Variants in CCDC7 observed in about 807,000 individuals in gnomAD.
CCDC7 encodes the protein coiled-coil domain containing 7.
A neutral mutation model predicts 196.9 loss-of-function variants in CCDC7; 183 were observed. That is an observed-to-expected ratio of 0.93 (90% CI 0.82 to 1.05). The LOEUF (loss-of-function observed/expected upper bound fraction) is 1.05, where lower values mean the gene tolerates loss of function less well. CCDC7 is among the 50% of genes least tolerant of loss of function. The pLI is 0.00. For synonymous variants in CCDC7, 525 were observed against 484.6 expected (o/e 1.08, Z -1.10); for missense variants, 1,540 against 1,482.2 (o/e 1.04, Z -0.64).
At chr10:32,511,777 GA>G in intron 9 of CCDC7, 1 of 1,444,394 alleles carries the variant, frequency 6.9e-7, no homozygotes, top group Non-Finnish European at 9.7e-7. Flanking sequence ...CAGCCTCCCG[GA>G]AAGCGGTCGG....
chr10:32,853,778 T>C (rs770993856), intron 40 of CCDC7, among the ~76,000 whole-genome samples: 2 of 152,226 alleles, frequency 1.3e-5, no homozygotes, highest in Non-Finnish European at 2.9e-5. Context: ...GAAAACTTTA[T>C]CTAAAAATTT....
At chr10:32,616,069 G>A (rs563869407) in intron 18 of CCDC7, among the ~76,000 whole-genome samples, 3 of 152,158 alleles carry the variant, frequency 2.0e-5, no homozygotes, top group Admixed American at 1.3e-4. Context: ...TAGCCTTGTA[G>A]TATAATTTGA....
intron 41 of CCDC7, among the ~76,000 whole-genome samples, chr10:32,855,744 C>T (rs1316325518): frequency 6.6e-6 from 1 of 152,156 alleles, no homozygotes; most frequent in Non-Finnish European, 1.5e-5. Context: ...GAGTTGGAGA[C>T]CCTGCCCCTA....
intron 14 of CCDC7, among the ~76,000 whole-genome samples, chr10:32,567,360 A>G (rs748749746): frequency 1.3e-5 from 2 of 151,876 alleles, no homozygotes; most frequent in Admixed American, 1.3e-4. Context: ...CAATTTTTAT[A>G]ATGTATACCT....
In CCDC7 at chr10:32,755,745, C is replaced by T. The variant is rs11009066; in HGVS notation, c.2906-23232C>T. ...TCGCAAGCAGCAGAACAAAGCTGGA[C>T]GGAGAATGACTTTGACGAGTTGAGA... On this transcript the variant is annotated intron_variant, in intron 28 of 41. Coordinates refer to ENST00000639629, the Ensembl canonical transcript of CCDC7. Among the ~76,000 whole-genome samples the T allele has an allele frequency of 1.9e-3, 287 of 152,118 alleles. 6 individuals are homozygous for T. The East Asian group carries it at 0.038, about 20-fold the overall frequency.
At chr10:32,497,182 G>A (rs2043048143) in intron 9 of CCDC7, among the ~76,000 whole-genome samples, 2 of 152,144 alleles carry the variant, frequency 1.3e-5, no homozygotes, top group Admixed American at 6.5e-5. Context: ...TTTGTGTAGA[G>A]GTGTTTATAG....
intron 21 of CCDC7, among the ~76,000 whole-genome samples, chr10:32,673,668 T>TGTGTGTGTG (rs1403140600): frequency 6.6e-6 from 1 of 151,154 alleles, no homozygotes; most frequent in Non-Finnish European, 1.5e-5. Flanking sequence ...TGTGTGTGTG[T>TGTGTGTGTG]GTGTGTGTGT....
chr10:32,606,046 G>A (rs1294483333), intron 18 of CCDC7, among the ~76,000 whole-genome samples: 3 of 152,202 alleles, frequency 2.0e-5, no homozygotes, highest in Non-Finnish European at 2.9e-5. Context: ...CCAGGCTCAC[G>A]GCCCTGCTGC....
chr10:32,847,182 C>A (rs114914093), intron 37 of CCDC7, among the ~76,000 whole-genome samples: 215 of 152,202 alleles, frequency 1.4e-3, no homozygotes, highest in African/African-American at 5.0e-3. Context: ...GACTTTAGTA[C>A]AATAGCCCAG....
chr10:32,854,290 A>C, intron 40 of CCDC7, 110 bp from the exon 42 acceptor site: 1 of 662,426 alleles, frequency 1.5e-6, no homozygotes, highest in Non-Finnish European at 2.5e-6. Flanking sequence ...TACTGAAAAA[A>C]AGTTGTAAGG....
intron 16 of CCDC7, among the ~76,000 whole-genome samples, 200 bp from the exon 18 acceptor site, chr10:32,582,834 A>T (rs1005522594): frequency 3.3e-5 from 5 of 152,140 alleles, no homozygotes; most frequent in Non-Finnish European, 7.4e-5. Flanking sequence ...CCTTAGTATT[A>T]TGTATCCCTT....
Position 32,471,237 on chromosome 10 carries a change from G to A in CCDC7, c.677+7G>A. 1 of 1,601,506 alleles carries A rather than the reference G, an allele frequency of 6.2e-7. No individual in the cohort carries two copies. The highest frequency in any genetic ancestry group is 1.1e-5 in the South Asian group (1 of 87,984). On this transcript the variant is annotated splice_region_variant and intron_variant, in intron 6 of 41. Coordinates refer to ENST00000639629, the Ensembl canonical transcript of CCDC7. ...TCATGTTGTCTAAAACTATGTAAGT[G>A]AAATATAAGAACTAATTGAATTAAA... is the stretch of plus-strand genomic sequence containing the variant.
intron 25 of CCDC7, 147 bp downstream of exon 26, chr10:32,711,877 A>C: frequency 2.2e-6 from 1 of 451,564 alleles, no homozygotes; most frequent in Non-Finnish European, 3.8e-6. Context: ...TCAAGAAAGA[A>C]AACAAAGATA....
chr10:32,823,398 C>G lies in CCDC7; in HGVS notation c.3182-1120C>G, dbSNP rs189178883. 7.9e-3 allele frequency among the ~76,000 whole-genome samples: 1,205 copies of G among 152,224 alleles called. 7 individuals carry two copies. Among genetic ancestry groups the G allele is most frequent in the Middle Eastern group, 0.021 (6 of 292 alleles). On this transcript the variant is annotated intron_variant, in intron 31 of 41. Transcript: ENST00000639629. ...CTCGAGATCTGCCCACCTCGGCCTC[C>G]CAAAGTGCTGGGATTACAGGCATGA...
chr10:32,528,858 C>T (rs1333683542), intron 11 of CCDC7, among the ~76,000 whole-genome samples: 2 of 150,854 alleles, frequency 1.3e-5, no homozygotes, highest in Non-Finnish European at 3.0e-5. Context: ...GGGCTGGTTC[C>T]ATATTTTTGC....
intron 33 of CCDC7, among the ~76,000 whole-genome samples, chr10:32,844,559 A>C (rs1267362734): frequency 1.3e-5 from 2 of 151,878 alleles, no homozygotes; most frequent in Non-Finnish European, 2.9e-5. Context: ...CACCAGGTAC[A>C]TCCCACAGTA....
At chr10:32,482,617 T>G (rs528096758) in intron 8 of CCDC7, among the ~76,000 whole-genome samples, 7 of 152,302 alleles carry the variant, frequency 4.6e-5, no homozygotes, top group Admixed American at 2.6e-4. Context: ...CATTTAACAT[T>G]AGGTATATCT....
chr10:32,826,966 G>T (rs2091221421), intron 32 of CCDC7, among the ~76,000 whole-genome samples: 1 of 152,220 alleles, frequency 6.6e-6, no homozygotes, highest in Admixed American at 6.5e-5. Flanking sequence ...AAAAATTGGT[G>T]ACAAAGACAT....
At chr10:32,820,300 G>A (rs1418694228) in intron 31 of CCDC7, among the ~76,000 whole-genome samples, 3 of 152,168 alleles carry the variant, frequency 2.0e-5, no homozygotes, top group East Asian at 3.8e-4. Context: ...CTACTGCTCA[G>A]TGAAATAAAA....
Sources: gnomAD v4.1 joint callset for allele counts (sites outside exome capture counted in the v4.1 genomes callset) on GRCh38, gnomAD v4.1.1 for gene constraint, MANE v1.5 for transcripts, NCBI Gene and HGNC (gene_info 2026-07-23, HGNC 2026-07-21) for gene names.